The following LHFPL6 variants were observed in gnomAD, a reference collection of about 807,000 sequenced individuals.
LHFPL6 encodes the protein LHFPL tetraspan subfamily member 6 protein.
LHFPL6 carries 9 observed loss-of-function variants against 20.6 expected under a neutral mutation model. The ratio of observed to expected loss-of-function variants is 0.44; its 90% CI spans 0.26 to 0.76. The LOEUF (loss-of-function observed/expected upper bound fraction) is 0.76. Among genes scored for constraint, LHFPL6 ranks in the 30% least tolerant of loss-of-function variants. The pLI is 0.20. For synonymous variants in LHFPL6, 105 were observed against 98.7 expected, an observed-to-expected ratio of 1.06 and a Z score of -0.38; for missense variants, 218 against 253.5, an observed-to-expected ratio of 0.86 and a Z score of 0.95.
At chr13:39,565,266 TA>T (rs67039805) in intron 2 of LHFPL6, among the ~76,000 whole-genome samples, 51,864 of 149,976 alleles carry the variant, frequency 0.35, 9,955 homozygotes, top group Non-Finnish European at 0.44. Context: ...AGTGTACCCT[TA>T]AAAAAAAAAA....
intron 2 of LHFPL6, among the ~76,000 whole-genome samples, chr13:39,481,464 G>A (rs74997103): frequency 0.064 from 9,725 of 152,186 alleles, 1,028 homozygotes; most frequent in African/African-American, 0.22. Context: ...AAGAAAATAC[G>A]ATAGGCATAT....
At chr13:39,465,888 G>A (rs540391654) in intron 2 of LHFPL6, among the ~76,000 whole-genome samples, 131 of 152,188 alleles carry the variant, frequency 8.6e-4, no homozygotes, top group African/African-American at 3.0e-3. Flanking sequence ...CTAGCAAGGT[G>A]TATGTCTGGA....
intron 2 of LHFPL6, among the ~76,000 whole-genome samples, chr13:39,409,753 C>T (rs1360395200): frequency 1.3e-5 from 2 of 151,874 alleles, no homozygotes; most frequent in Non-Finnish European, 2.9e-5. Flanking sequence ...TTACAAATGT[C>T]ATTTGGTTAG....
At chr13:39,586,642 T>TG (rs1268287010) in intron 2 of LHFPL6, among the ~76,000 whole-genome samples, 1 of 152,336 alleles carries the variant, frequency 6.6e-6, no homozygotes, top group Non-Finnish European at 1.5e-5. Flanking sequence ...CAGCAGGTCT[T>TG]GACTCTACTT....
chr13:39,470,281 T>A lies in LHFPL6; in HGVS notation c.386-91755A>T, dbSNP rs180753419. On this transcript the variant is annotated intron_variant, in intron 2 of 3. Transcript: ENST00000379589. Reference sequence around the variant, plus strand: ...AGTGCAAAAACCCCCAAATCTAATATGTTTAATTTGTTAAGAAAGCTCTTG... The same window carrying A: ...AGTGCAAAAACCCCCAAATCTAATAAGTTTAATTTGTTAAGAAAGCTCTTG... 2.8e-3 allele frequency among the ~76,000 whole-genome samples: 423 copies of A among 152,302 alleles called. 3 individuals are homozygous for A. Among genetic ancestry groups the A allele is most frequent in the African/African-American group, 9.7e-3 (403 of 41,576 alleles).
intron 2 of LHFPL6, among the ~76,000 whole-genome samples, chr13:39,562,381 T>TAC (rs1470327054): frequency 3.5e-5 from 4 of 114,494 alleles, no homozygotes; most frequent in South Asian, 2.9e-4. Flanking sequence ...TATACATATA[T>TAC]ACATATACAT....
At chr13:39,358,537 T>C (rs1231978854) in intron 3 of LHFPL6, among the ~76,000 whole-genome samples, 1 of 151,774 alleles carries the variant, frequency 6.6e-6, no homozygotes, top group Non-Finnish European at 1.5e-5. Flanking sequence ...AAAAACAACA[T>C]GTGGGACCTT....
At position 39,378,486 on chromosome 13, in the gene LHFPL6, G is replaced by A. The variant is rs568664554; in HGVS notation, c.426C>T (p.Gly142=). 1 of 1,613,966 alleles carries A rather than the reference G, an allele frequency of 6.2e-7. No homozygotes were observed. Among genetic ancestry groups the A allele is most frequent in the South Asian group, 1.1e-5 (1 of 91,070 alleles). The change falls in exon 3 of 4, where the codon GGC becomes GGT. Residue 142 remains glycine, a synonymous_variant. Transcript: ENST00000379589. ...IGAGCALYPL[G]WDSEEVRQTC... ...TCTGCCGGACTTCCTCACTGTCCCA[G>A]CCCAAGGGGTAGAGGGCACAGCCAG... is the stretch of plus-strand genomic sequence containing the variant.
chr13:39,484,808 T>C (rs894483867), intron 2 of LHFPL6, among the ~76,000 whole-genome samples: 1 of 152,132 alleles, frequency 6.6e-6, no homozygotes, highest in Non-Finnish European at 1.5e-5. Context: ...AGGTGAGAAA[T>C]GTGTGCAAAA....
intron 3 of LHFPL6, among the ~76,000 whole-genome samples, chr13:39,350,074 G>A (rs1233011884): frequency 6.6e-6 from 1 of 152,196 alleles, no homozygotes; most frequent in Non-Finnish European, 1.5e-5. Flanking sequence ...GTTTTGCTAT[G>A]TTATAGAAGC....
At chr13:39,567,664 T>C (rs2138527373) in intron 2 of LHFPL6, among the ~76,000 whole-genome samples, 1 of 152,266 alleles carries the variant, frequency 6.6e-6, no homozygotes. Context: ...ACATAAACCA[T>C]TCCTAGCTCT....
At chr13:39,417,790 A>G (rs1309950259) in intron 2 of LHFPL6, among the ~76,000 whole-genome samples, 1 of 152,142 alleles carries the variant, frequency 6.6e-6, no homozygotes, top group Admixed American at 6.5e-5. Flanking sequence ...ATTCCAATTG[A>G]CTGGGGTGGT....
chr13:39,472,856 C>A (rs1872983669), intron 2 of LHFPL6, among the ~76,000 whole-genome samples: 1 of 152,178 alleles, frequency 6.6e-6, no homozygotes, highest in African/African-American at 2.4e-5. Context: ...GGTGGTCCAC[C>A]CGCCTTGGCC....
At chr13:39,526,803 T>C (rs888306770) in intron 2 of LHFPL6, among the ~76,000 whole-genome samples, 30 of 152,250 alleles carry the variant, frequency 2.0e-4, no homozygotes, top group African/African-American at 7.2e-4. Flanking sequence ...ATCTGTAATT[T>C]CGAAGGCTTT....
intron 2 of LHFPL6, among the ~76,000 whole-genome samples, chr13:39,576,214 A>G (rs753659473): frequency 5.9e-5 from 9 of 152,296 alleles, no homozygotes; most frequent in South Asian, 2.1e-4. Context: ...GTTCATACAG[A>G]CTAGGTTTGG....
chr13:39,577,367 C>T (rs909129422), intron 2 of LHFPL6, among the ~76,000 whole-genome samples: 18 of 152,152 alleles, frequency 1.2e-4, no homozygotes, highest in African/African-American at 4.1e-4. Context: ...GTACGCATTT[C>T]AGGAAACTGC....
intron 2 of LHFPL6, among the ~76,000 whole-genome samples, chr13:39,396,699 G>A (rs1288442166): frequency 6.6e-6 from 1 of 152,116 alleles, no homozygotes; most frequent in Non-Finnish European, 1.5e-5. Context: ...AGGCTGAGGT[G>A]GTGGGAGGAT....
intron 3 of LHFPL6, among the ~76,000 whole-genome samples, chr13:39,369,567 T>TTTTCTTCCTTCCTTCCTTCCTTCCTTCC (rs1870101870): frequency 1.4e-4 from 4 of 27,858 alleles, no homozygotes; most frequent in African/African-American, 3.9e-4. Context: ...TCATAGTAGG[T>TTTTCTTCCTTCCTTCCTTCCTTCCTTCC]TTCCTTCCTT....
chr13:39,591,149 A>G (rs34490304), intron 2 of LHFPL6, among the ~76,000 whole-genome samples: 7,473 of 152,292 alleles, frequency 0.049, 303 homozygotes, highest in African/African-American at 0.1. Flanking sequence ...CAAAAATACA[A>G]AGTTAAAAAG....
Sources: allele counts gnomAD v4.1 joint callset (sites outside exome capture counted in the v4.1 genomes callset), GRCh38; gene constraint gnomAD v4.1.1; transcripts MANE v1.5; gene names NCBI Gene and HGNC (gene_info 2026-07-23, HGNC 2026-07-21).